Variants in TENM4 observed in about 807,000 individuals in gnomAD.
TENM4 encodes teneurin transmembrane protein 4.
In TENM4, 82 loss-of-function variants were observed where a neutral mutation model predicts 243.3. That is an observed-to-expected ratio of 0.34 (90% CI 0.28 to 0.40). The LOEUF (loss-of-function observed/expected upper bound fraction) is 0.40. TENM4 is among the 10% of genes least tolerant of loss of function. TENM4 has a pLI of 1.00. For missense variants in TENM4, 3,138 were observed against 3,673.3 expected (o/e 0.85, Z 3.77); for synonymous variants, 1,412 against 1,456.3 (o/e 0.97, Z 0.69).
At chr11:78,972,198 C>T (rs1219306486) in intron 6 of TENM4, among the ~76,000 whole-genome samples, 11 of 152,070 alleles carry the variant, frequency 7.2e-5, no homozygotes, top group Non-Finnish European at 8.8e-5. Flanking sequence ...CAGTTTCTTC[C>T]TTGGGTCCCT....
At chr11:79,035,220 G>A (rs566265065) in intron 6 of TENM4, among the ~76,000 whole-genome samples, 9 of 152,270 alleles carry the variant, frequency 5.9e-5, no homozygotes, top group Admixed American at 1.3e-4. Context: ...TCTGCTGCTC[G>A]GCTGTGCAAT....
intron 4 of TENM4, among the ~76,000 whole-genome samples, chr11:79,118,560 C>T (rs1861670966): frequency 6.6e-6 from 1 of 152,078 alleles, no homozygotes; most frequent in Non-Finnish European, 1.5e-5. Flanking sequence ...GCCCTATTCC[C>T]CCTTCCCTCC....
intron 3 of TENM4, among the ~76,000 whole-genome samples, chr11:79,181,601 A>T (rs937885291): frequency 7.9e-5 from 12 of 152,138 alleles, no homozygotes; most frequent in Admixed American, 7.2e-4. Context: ...TAAAACAATA[A>T]GACAAGAAAA....
intron 12 of TENM4, among the ~76,000 whole-genome samples, chr11:78,831,395 A>G (rs1857975374): frequency 6.6e-6 from 1 of 152,236 alleles, no homozygotes; most frequent in Admixed American, 6.5e-5. Context: ...GTCAGTTGTG[A>G]TATGATGAAG....
chr11:79,268,344 C>T (rs1944440), intron 2 of TENM4, among the ~76,000 whole-genome samples: 4,277 of 152,266 alleles, frequency 0.028, 93 homozygotes, highest in Non-Finnish European at 0.039. Flanking sequence ...GTTTACAAAA[C>T]AGGCAACAGG....
intron 6 of TENM4, among the ~76,000 whole-genome samples, chr11:78,961,784 CTT>C (rs60789690): frequency 1.6e-3 from 237 of 146,048 alleles, no homozygotes; most frequent in Middle Eastern, 7.1e-3. Context: ...ATGTCTTAAC[CTT>C]TTTTTTTTTT....
intron 6 of TENM4, among the ~76,000 whole-genome samples, chr11:78,934,065 G>A (rs909985618): frequency 6.6e-6 from 1 of 152,140 alleles, no homozygotes; most frequent in African/African-American, 2.4e-5. Context: ...ACTCAGGGCA[G>A]TATTTTTGCC....
rs1475545553 is a variant in TENM4, at chr11:78,887,329, T to C, written c.1084+2456A>G. ...TTAAAATTCAGCTCAAACATCACCT[T>C]TCCCAGGAAGCCTTCCCTACTCCTC... On this transcript the variant is annotated intron_variant, in intron 9 of 33. Transcript: ENST00000278550. Among the ~76,000 whole-genome samples, 3 of 152,212 alleles carry C rather than the reference T, an allele frequency of 2.0e-5. No homozygotes were observed. The East Asian group carries it at 5.8e-4, about 29-fold the overall frequency.
At chr11:79,423,300 C>A (rs879578408) in intron 1 of TENM4, among the ~76,000 whole-genome samples, 6 of 151,896 alleles carry the variant, frequency 4.0e-5, no homozygotes, top group Non-Finnish European at 8.8e-5. Flanking sequence ...AACCCCCACC[C>A]CCGCCATTGT....
At chr11:79,299,050 G>GA (rs1211078600) in intron 1 of TENM4, among the ~76,000 whole-genome samples, 4 of 146,072 alleles carry the variant, frequency 2.7e-5, no homozygotes, top group South Asian at 2.2e-4. Context: ...TCATAGGTGT[G>GA]AGGTGCTGTA....
intron 12 of TENM4, among the ~76,000 whole-genome samples, chr11:78,819,786 A>G (rs1001010636): frequency 3.3e-5 from 5 of 152,200 alleles, no homozygotes; most frequent in South Asian, 2.1e-4. Flanking sequence ...TGCATTTACT[A>G]CTAATATCTC....
intron 26 of TENM4, among the ~76,000 whole-genome samples, chr11:78,711,198 A>G (rs1279846548): frequency 6.6e-6 from 1 of 152,144 alleles, no homozygotes; most frequent in Non-Finnish European, 1.5e-5. Flanking sequence ...CACAACTACC[A>G]CCTGACACTC....
At chr11:78,799,794 T>C (rs895684911) in intron 15 of TENM4, among the ~76,000 whole-genome samples, 1 of 152,254 alleles carries the variant, frequency 6.6e-6, no homozygotes, top group Non-Finnish European at 1.5e-5. Context: ...ATGAGCATTT[T>C]ACAGGCAAAA....
intron 3 of TENM4, among the ~76,000 whole-genome samples, chr11:79,160,094 A>G (rs1158871364): frequency 1.3e-5 from 2 of 151,764 alleles, no homozygotes; most frequent in South Asian, 4.2e-4. Context: ...TCACTCACTC[A>G]TTCCCTACTC....
intron 1 of TENM4, among the ~76,000 whole-genome samples, chr11:79,432,439 T>C (rs929267764): frequency 6.6e-5 from 10 of 152,306 alleles, no homozygotes; most frequent in African/African-American, 2.4e-4. Context: ...CAGAGCTGGG[T>C]TTATTTAGTA....
intron 6 of TENM4, among the ~76,000 whole-genome samples, chr11:78,950,531 C>T (rs1023997639): frequency 2.0e-5 from 3 of 152,184 alleles, no homozygotes; most frequent in Non-Finnish European, 4.4e-5. Context: ...GAGCCAGGCA[C>T]ACCTGGGATG....
At chr11:79,256,464 C>G (rs1041717528) in intron 2 of TENM4, among the ~76,000 whole-genome samples, 13 of 152,224 alleles carry the variant, frequency 8.5e-5, no homozygotes, top group Non-Finnish European at 1.8e-4. Flanking sequence ...ACTGGCAGAA[C>G]CAGAATCCCA....
intron 6 of TENM4, among the ~76,000 whole-genome samples, chr11:78,976,421 A>G (rs1450062156): frequency 6.6e-6 from 1 of 152,366 alleles, no homozygotes; most frequent in African/African-American, 2.4e-5. Flanking sequence ...GTTTAAAAAA[A>G]AAACCAGAAA....
intron 6 of TENM4, among the ~76,000 whole-genome samples, chr11:79,044,960 C>A (rs543704219): frequency 6.6e-6 from 1 of 152,226 alleles, no homozygotes; most frequent in East Asian, 1.9e-4. Context: ...TAAAACTCAT[C>A]ATTTTAACCA....
Sources: gnomAD v4.1 joint callset for allele counts (sites outside exome capture counted in the v4.1 genomes callset) on GRCh38, gnomAD v4.1.1 for gene constraint, MANE v1.5 for transcripts, NCBI Gene and HGNC (gene_info 2026-07-23, HGNC 2026-07-21) for gene names.